CAP2: variants seen among roughly 807,000 people sequenced by gnomAD.
CAP2 encodes the protein cyclase associated actin cytoskeleton regulatory protein 2.
Under a neutral mutation model 57.7 loss-of-function variants are expected in CAP2, and 24 were observed. The ratio of observed to expected loss-of-function variants is 0.42; its 90% confidence interval spans 0.30 to 0.58. The LOEUF (loss-of-function observed/expected upper bound fraction) is 0.58. CAP2 is among the 20% of genes least tolerant of loss of function. The pLI is 0.22. For synonymous variants in CAP2, 194 were observed against 207.2 expected, an observed-to-expected ratio of 0.94 and a Z score of 0.55; for missense variants, 501 against 590.3, an observed-to-expected ratio of 0.85 and a Z score of 1.57.
In CAP2 at chr6:17,483,768, G is replaced by A. The variant is rs187873232; in HGVS notation, c.300+20695G>A. On this transcript the variant is annotated intron_variant, in intron 4 of 12. Coordinates refer to ENST00000229922, the MANE Select transcript of CAP2 (RefSeq NM_006366.3). ...CTGCTGAGAGATTCCTCTCCCCGGCGTGGCTGACAGGGGTGTTTTCCCCGG... is the reference window on the plus strand; with the variant it reads ...CTGCTGAGAGATTCCTCTCCCCGGCATGGCTGACAGGGGTGTTTTCCCCGG... 3.9e-5 allele frequency among the ~76,000 whole-genome samples: 6 copies of A among 152,168 alleles called. No homozygotes were observed. The South Asian group carries it at 8.3e-4, about 21-fold the overall frequency.
intron 4 of CAP2, among the ~76,000 whole-genome samples, chr6:17,471,788 G>T (rs181896213): frequency 6.7e-6 from 1 of 149,826 alleles, no homozygotes; most frequent in African/African-American, 2.5e-5. Flanking sequence ...CCGAGATTGC[G>T]CCACTGCACT....
chr6:17,505,688 T>G (rs1275044250), intron 4 of CAP2, among the ~76,000 whole-genome samples: 1 of 152,190 alleles, frequency 6.6e-6, no homozygotes, highest in Non-Finnish European at 1.5e-5. Flanking sequence ...AGAGCTGAAG[T>G]ACAGGACCTT....
chr6:17,532,883 G>A (rs2113690091), intron 7 of CAP2, among the ~76,000 whole-genome samples: 1 of 151,634 alleles, frequency 6.6e-6, no homozygotes. Context: ...GACCAACATG[G>A]AGAAACCCTG....
intron 4 of CAP2, among the ~76,000 whole-genome samples, chr6:17,489,447 C>G (rs757354127): frequency 6.6e-6 from 1 of 151,994 alleles, no homozygotes; most frequent in African/African-American, 2.4e-5. Context: ...ACAAACAAAA[C>G]AAAAGAAAAA....
intron 4 of CAP2, among the ~76,000 whole-genome samples, chr6:17,469,288 A>G (rs1760952826): frequency 6.6e-6 from 1 of 152,200 alleles, no homozygotes; most frequent in South Asian, 2.1e-4. Context: ...GGAGAACTAT[A>G]GCTGAGGGGC....
chr6:17,492,193 G>T (rs1761560233), intron 4 of CAP2, among the ~76,000 whole-genome samples: 1 of 152,192 alleles, frequency 6.6e-6, no homozygotes, highest in Non-Finnish European at 1.5e-5. Flanking sequence ...CATGGGAAAT[G>T]GTTGTCTATT....
chr6:17,503,488 C>T (rs529349932), intron 4 of CAP2, among the ~76,000 whole-genome samples: 132 of 151,716 alleles, frequency 8.7e-4, no homozygotes, highest in Non-Finnish European at 1.5e-3. Flanking sequence ...TCTGTAATCC[C>T]AGCTACTTGG....
intron 4 of CAP2, among the ~76,000 whole-genome samples, chr6:17,474,185 C>CTTTTTTTTTTTTTTTTTTTTTTTTT (rs544909381): frequency 5.4e-5 from 5 of 93,210 alleles, no homozygotes; most frequent in Admixed American, 1.3e-4. Flanking sequence ...AAAAAACAGT[C>CTTTTTTTTTTTTTTTTTTTTTTTTT]TTTTTTTTTT....
At chr6:17,532,377 G>A in intron 7 of CAP2, among the ~76,000 whole-genome samples, 1 of 150,666 alleles carries the variant, frequency 6.6e-6, no homozygotes, top group Non-Finnish European at 1.5e-5. Context: ...CTGACCTCAG[G>A]TGATCCGCCA....
intron 4 of CAP2, among the ~76,000 whole-genome samples, chr6:17,468,706 G>C (rs966549753): frequency 1.3e-5 from 2 of 152,172 alleles, no homozygotes; most frequent in African/African-American, 4.8e-5. Flanking sequence ...TCCTCTTCCA[G>C]TTGATGGAAG....
chr6:17,491,315 T>A (rs992669127), intron 4 of CAP2, among the ~76,000 whole-genome samples: 4 of 152,226 alleles, frequency 2.6e-5, no homozygotes, highest in Admixed American at 6.5e-5. Context: ...ATTGTAAGCA[T>A]GTCCTTCTTA....
At chr6:17,531,635 A>G in intron 7 of CAP2, 1 of 1,190,980 alleles carries the variant, frequency 8.4e-7, no homozygotes, top group Non-Finnish European at 1.2e-6. Flanking sequence ...TACACCTTCC[A>G]TGGTTCCAGC....
intron 4 of CAP2, chr6:17,493,380 C>T: frequency 2.7e-6 from 1 of 368,958 alleles, no homozygotes; most frequent in Non-Finnish European, 5.6e-6. Context: ...TCTCTACAGG[C>T]CAACAAGTTT....
chr6:17,419,565 C>T (rs1253821430), intron 1 of CAP2, among the ~76,000 whole-genome samples: 1 of 152,186 alleles, frequency 6.6e-6, no homozygotes, highest in African/African-American at 2.4e-5. Context: ...GCCTTAAAGA[C>T]ATATAAATTC....
At chr6:17,479,895 G>A (rs1458080876) in intron 4 of CAP2, among the ~76,000 whole-genome samples, 1 of 152,002 alleles carries the variant, frequency 6.6e-6, no homozygotes, top group Admixed American at 6.6e-5. Flanking sequence ...GATTACAGGT[G>A]TGAGCCACCG....
chr6:17,524,893 C>CTTTTTTTTTTTTTTTTTTTTT (rs11325666), intron 7 of CAP2, among the ~76,000 whole-genome samples: 1 of 109,620 alleles, frequency 9.1e-6, no homozygotes, highest in Non-Finnish European at 1.8e-5. Flanking sequence ...CTTTTCTTTT[C>CTTTTTTTTTTTTTTTTTTTTT]TTTTTTTTTT....
At chr6:17,500,340 A>AATATATATAT (rs4052821) in intron 4 of CAP2, among the ~76,000 whole-genome samples, 2,093 of 32,822 alleles carry the variant, frequency 0.064, 290 homozygotes, top group Non-Finnish European at 0.083. Flanking sequence ...TGTGTGTCCA[A>AATATATATAT]ATATATATAT....
chr6:17,452,692 C>G (rs116169071), intron 3 of CAP2, among the ~76,000 whole-genome samples: 3,683 of 152,246 alleles, frequency 0.024, 163 homozygotes, highest in African/African-American at 0.084. Flanking sequence ...GAGGACTTTG[C>G]TATTTTTCAT....
At chr6:17,430,950 T>C (rs777883762) in intron 3 of CAP2, among the ~76,000 whole-genome samples, 36 of 152,218 alleles carry the variant, frequency 2.4e-4, no homozygotes, top group Non-Finnish European at 4.4e-4. Flanking sequence ...AATCATAGCT[T>C]TTCCTAACCC....
Sources: allele counts gnomAD v4.1 joint callset (sites outside exome capture counted in the v4.1 genomes callset), GRCh38; gene constraint gnomAD v4.1.1; transcripts MANE v1.5; gene names NCBI Gene and HGNC (gene_info 2026-07-23, HGNC 2026-07-21).